The following PCDH11Y variants were observed in gnomAD, a reference collection of about 807,000 sequenced individuals.
PCDH11Y encodes protocadherin-11 Y-linked.
For synonymous variants in PCDH11Y, 9 were observed against 83.6 expected (o/e 0.11, Z 4.87); for missense variants, 12 against 224.8 (o/e 0.05, Z 6.05).
intron 2 of PCDH11Y, among the ~76,000 whole-genome samples, chrY:5,261,755 G>A (rs2053018666): frequency 6.4e-5 from 2 of 31,382 alleles, no homozygotes; most frequent in Admixed American, 5.8e-4. Context: ...TGATGCTGTC[G>A]CTCCCCTCAC....
chrY:5,690,677 A>T (rs776006293), intron 4 of PCDH11Y, among the ~76,000 whole-genome samples: 4,695 of 29,992 alleles, frequency 0.16, no homozygotes, highest in Middle Eastern at 0.37. Flanking sequence ...ATGATATAAT[A>T]AGATGTAATA....
At chrY:5,496,684 TGTGCAGAAC>T (rs2053345229) in intron 2 of PCDH11Y, among the ~76,000 whole-genome samples, 2 of 31,298 alleles carry the variant, frequency 6.4e-5, no homozygotes, top group African/African-American at 1.3e-4. Context: ...TTGGGATACA[TGTGCAGAAC>T]GTGCAGGTTT....
intron 3 of PCDH11Y, chrY:5,037,505 G>A: frequency 9.0e-6 from 1 of 111,317 alleles, no homozygotes. Context: ...GGAGGCGGAG[G>A]TTGCAGTGAG....
chrY:5,736,864 T>C, intron 4 of PCDH11Y, among the ~76,000 whole-genome samples: 1 of 32,866 alleles, frequency 3.0e-5, no homozygotes, highest in Admixed American at 2.8e-4. Flanking sequence ...TTTTTAGCTA[T>C]AATTAGTTCA....
intron 4 of PCDH11Y, among the ~76,000 whole-genome samples, chrY:5,677,554 T>C (rs2053554638): frequency 3.0e-5 from 1 of 33,375 alleles, no homozygotes; most frequent in Admixed American, 2.7e-4. Flanking sequence ...TGAGTTGTCT[T>C]TTAAAAAGGC....
intron 2 of PCDH11Y, among the ~76,000 whole-genome samples, chrY:5,199,428 C>T: frequency 6.3e-5 from 2 of 31,668 alleles, no homozygotes; most frequent in African/African-American, 1.3e-4. Flanking sequence ...GCTGGGACTA[C>T]AGGCTCGTGC....
At chrY:5,185,610 T>C in intron 2 of PCDH11Y, among the ~76,000 whole-genome samples, 1 of 25,658 alleles carries the variant, frequency 3.9e-5, no homozygotes, top group Non-Finnish European at 8.9e-5. Context: ...TATATGTCTG[T>C]TTTTATACCA....
At chrY:5,015,328 A>G in intron 1 of PCDH11Y, among the ~76,000 whole-genome samples, 1 of 33,067 alleles carries the variant, frequency 3.0e-5, no homozygotes, top group Non-Finnish European at 7.4e-5. Context: ...TTTAGTTAGG[A>G]GTAACTTAAG....
At chrY:5,146,510 T>C in intron 2 of PCDH11Y, among the ~76,000 whole-genome samples, 1 of 33,941 alleles carries the variant, frequency 2.9e-5, no homozygotes, top group Non-Finnish European at 7.3e-5. Context: ...CTTGAATTAA[T>C]AAAAATCAAA....
intron 2 of PCDH11Y, among the ~76,000 whole-genome samples, chrY:5,136,370 T>C (rs1602874176): frequency 1.2e-4 from 4 of 32,718 alleles, no homozygotes; most frequent in African/African-American, 4.8e-4. Context: ...TGAAATAGTC[T>C]ACCCAAATGA....
intron 3 of PCDH11Y, among the ~76,000 whole-genome samples, chrY:5,519,774 G>A: frequency 3.5e-5 from 1 of 28,231 alleles, no homozygotes; most frequent in Non-Finnish European, 8.4e-5. Context: ...TGGAATTGTT[G>A]GATGAAAAGG....
intron 2 of PCDH11Y, among the ~76,000 whole-genome samples, chrY:5,313,839 G>A (rs2053104290): frequency 3.1e-5 from 1 of 32,239 alleles, no homozygotes; most frequent in African/African-American, 1.2e-4. Context: ...GAAGACACAT[G>A]TTTTAACATA....
At chrY:5,519,772 T>C (rs2053378302) in intron 3 of PCDH11Y, among the ~76,000 whole-genome samples, 1 of 28,904 alleles carries the variant, frequency 3.5e-5, no homozygotes. Flanking sequence ...AATGGAATTG[T>C]TGGATGAAAA....
chrY:5,158,976 C>T, intron 2 of PCDH11Y, among the ~76,000 whole-genome samples: 2 of 32,620 alleles, frequency 6.1e-5, no homozygotes, highest in African/African-American at 1.2e-4. Context: ...ATTAATTTAA[C>T]GATACACTTT....
At chrY:5,120,507 G>C in intron 2 of PCDH11Y, among the ~76,000 whole-genome samples, 1 of 32,716 alleles carries the variant, frequency 3.1e-5, no homozygotes, top group Non-Finnish European at 7.5e-5. Context: ...CCTAAACCCT[G>C]CCATTGTGTG....
At chrY:5,208,061 C>A in intron 2 of PCDH11Y, 1 of 170,981 alleles carries the variant, frequency 5.8e-6, no homozygotes, top group Non-Finnish European at 1.1e-5. Context: ...ACATGGGTGG[C>A]ACAGCCATCT....
chrY:5,330,164 C>A, intron 2 of PCDH11Y, among the ~76,000 whole-genome samples: 4 of 31,477 alleles, frequency 1.3e-4, no homozygotes, highest in African/African-American at 3.8e-4. Context: ...TGTTCTCTGG[C>A]GGGTAGGAGT....
intron 3 of PCDH11Y, among the ~76,000 whole-genome samples, chrY:5,578,076 T>C: frequency 6.1e-5 from 2 of 32,965 alleles, no homozygotes; most frequent in African/African-American, 2.4e-4. Context: ...TATAGCAGCA[T>C]GAGAACAAAC....
At chrY:5,309,515 GA>G (rs1556400934) in intron 2 of PCDH11Y, among the ~76,000 whole-genome samples, 4 of 31,603 alleles carry the variant, frequency 1.3e-4, no homozygotes, top group African/African-American at 2.4e-4. Flanking sequence ...AAAACTGTTG[GA>G]AAAAAAAATA....
Sources: allele counts gnomAD v4.1 joint callset (sites outside exome capture counted in the v4.1 genomes callset), GRCh38; gene constraint gnomAD v4.1.1; transcripts MANE v1.5; gene names NCBI Gene and HGNC (gene_info 2026-07-23, HGNC 2026-07-21).